Variants in PRR16 observed in about 807,000 individuals in gnomAD.
PRR16 encodes the protein proline rich 16.
Under a neutral mutation model 18.2 loss-of-function variants are expected in PRR16, and 6 were observed. That is an observed-to-expected ratio of 0.33 (90% CI 0.18 to 0.65). The LOEUF is 0.65. Ranked by LOEUF, PRR16 falls within the 30% of genes least tolerant of loss-of-function variation. The probability of loss-of-function intolerance (pLI) is 0.74; values close to 1 mark genes in which losing one functional copy is unlikely to be tolerated. For missense variants in PRR16, 412 were observed against 376.6 expected (o/e 1.09, Z -0.78); for synonymous variants, 151 against 147.8 (o/e 1.02, Z -0.16).
intron 1 of PRR16, among the ~76,000 whole-genome samples, chr5:120,529,748 G>C (rs919000739): frequency 4.6e-5 from 7 of 152,028 alleles, no homozygotes; most frequent in Non-Finnish European, 1.0e-4. Context: ...TGAGTCTAAG[G>C]ATTTAAGAAT....
chr5:120,555,733 A>G (rs995109203), intron 1 of PRR16, among the ~76,000 whole-genome samples: 4 of 151,414 alleles, frequency 2.6e-5, no homozygotes, highest in Admixed American at 2.0e-4. Flanking sequence ...AATAAGGCCT[A>G]TCTATAAAAT....
chr5:120,514,025 T>C (rs1313248792), intron 1 of PRR16, among the ~76,000 whole-genome samples: 1 of 152,176 alleles, frequency 6.6e-6, no homozygotes, highest in Non-Finnish European at 1.5e-5. Flanking sequence ...CCCAAAGTGC[T>C]GGGATTGCAG....
At chr5:120,783,466 TA>T in the PRR16 span, among the ~76,000 whole-genome samples, 1 of 152,146 alleles carries the variant, frequency 6.6e-6, no homozygotes, top group South Asian at 2.1e-4. Flanking sequence ...CATCATGTTT[TA>T]AAAACTGCAT....
the PRR16 span, among the ~76,000 whole-genome samples, chr5:120,749,359 G>C: frequency 2.6e-5 from 4 of 152,038 alleles, no homozygotes. Flanking sequence ...TTAGGAGTTT[G>C]AATAATTATG....
chr5:120,640,318 C>T lies in PRR16; in HGVS notation c.160-45636C>T, dbSNP rs1343354178. On this transcript the variant is annotated intron_variant, in intron 1 of 1. Coordinates refer to ENST00000407149, the MANE Select transcript of PRR16 (RefSeq NM_001300783.2). ...AAAATAAAAGTTGAAAAAAAATTCT[C>T]ATGGTCATTTTAAGTTATTGCCACT... Among the ~76,000 whole-genome samples, 4 of 151,898 alleles carry T rather than the reference C, an allele frequency of 2.6e-5. No individual in the cohort carries two copies. The South Asian group carries it at 6.2e-4, about 24-fold the overall frequency.
chr5:120,786,403 C>G, the PRR16 span, among the ~76,000 whole-genome samples: 4 of 151,666 alleles, frequency 2.6e-5, no homozygotes, highest in Non-Finnish European at 4.4e-5. Context: ...CTGCTTTTAA[C>G]AGTCAGGAGA....
chr5:120,661,349 G>C (rs1262363487), intron 1 of PRR16, among the ~76,000 whole-genome samples: 1 of 152,008 alleles, frequency 6.6e-6, no homozygotes, highest in Non-Finnish European at 1.5e-5. Context: ...TTTCTCCCTT[G>C]TGCTTGAATT....
intron 1 of PRR16, among the ~76,000 whole-genome samples, chr5:120,648,595 A>T (rs1284550588): frequency 1.3e-5 from 2 of 152,182 alleles, no homozygotes; most frequent in African/African-American, 4.8e-5. Flanking sequence ...TGACTATTAC[A>T]TACAGAGCTG....
chr5:120,622,301 C>G (rs1033236022), intron 1 of PRR16, among the ~76,000 whole-genome samples: 24 of 151,940 alleles, frequency 1.6e-4, no homozygotes, highest in African/African-American at 5.8e-4. Flanking sequence ...ACAGTTAGTT[C>G]TTGTTTTCTA....
intron 1 of PRR16, among the ~76,000 whole-genome samples, chr5:120,545,808 A>T (rs2112690603): frequency 6.6e-6 from 1 of 152,188 alleles, no homozygotes; most frequent in South Asian, 2.1e-4. Context: ...TTTAAAACAC[A>T]TTTGATTCCT....
At chr5:120,555,138 C>A (rs191800327) in intron 1 of PRR16, among the ~76,000 whole-genome samples, 2 of 152,032 alleles carry the variant, frequency 1.3e-5, no homozygotes, top group Admixed American at 1.3e-4. Context: ...GCAAATTCAG[C>A]ATTCACAAGG....
rs116284299 is a variant in PRR16 at position 120,674,322 on chromosome 5, C to T, written c.160-11632C>T. Among the ~76,000 whole-genome samples the T allele has an allele frequency of 4.2e-3, 644 of 152,210 alleles. 2 individuals are homozygous for T. The highest frequency in any genetic ancestry group is 7.3e-3 in the Non-Finnish European group (499 of 68,012). On this transcript the variant is annotated intron_variant, in intron 1 of 1. Coordinates refer to ENST00000407149, the MANE Select transcript of PRR16 (RefSeq NM_001300783.2). ...TGGATCCTATGCATCTCTTCTTTCT[C>T]GGATTCCATTTTTATTGTGCCAGAA...
At chr5:120,553,579 A>G (rs1752323096) in intron 1 of PRR16, among the ~76,000 whole-genome samples, 6 of 151,910 alleles carry the variant, frequency 3.9e-5, no homozygotes. Context: ...TCTTGCAGAG[A>G]GATTTTAAAG....
At chr5:120,790,512 G>A in the PRR16 span, 15 of 152,204 alleles carry the variant, frequency 9.9e-5, no homozygotes, top group Admixed American at 9.8e-4. Flanking sequence ...ACAGTCTTAG[G>A]ACGAATGTTG....
intron 1 of PRR16, among the ~76,000 whole-genome samples, chr5:120,666,589 G>A (rs1331582325): frequency 1.3e-5 from 2 of 152,114 alleles, no homozygotes; most frequent in African/African-American, 4.8e-5. Flanking sequence ...GATATTGGCT[G>A]TGGGTTTGTC....
intron 1 of PRR16, among the ~76,000 whole-genome samples, chr5:120,678,021 T>C (rs1756859387): frequency 6.8e-6 from 1 of 146,106 alleles, no homozygotes; most frequent in Admixed American, 7.1e-5. Context: ...GCCATTCTCC[T>C]GCCTCAGCCT....
chr5:120,726,566 A>G, the PRR16 span, among the ~76,000 whole-genome samples: 3 of 152,058 alleles, frequency 2.0e-5, no homozygotes, highest in South Asian at 2.1e-4. Context: ...ATAACTTACT[A>G]TTTTGATTCT....
intron 1 of PRR16, among the ~76,000 whole-genome samples, chr5:120,503,307 G>C (rs1750528675): frequency 6.6e-6 from 1 of 152,082 alleles, no homozygotes; most frequent in Non-Finnish European, 1.5e-5. Context: ...AAGATTTGAA[G>C]TTACTTTAAA....
intron 1 of PRR16, among the ~76,000 whole-genome samples, chr5:120,512,659 T>A (rs1424716784): frequency 6.6e-6 from 1 of 152,148 alleles, no homozygotes; most frequent in Non-Finnish European, 1.5e-5. Flanking sequence ...GTCTAGGATA[T>A]TCAGTTTATC....
Sources: gnomAD v4.1 joint callset for allele counts (sites outside exome capture counted in the v4.1 genomes callset) on GRCh38, gnomAD v4.1.1 for gene constraint, MANE v1.5 for transcripts, NCBI Gene and HGNC (gene_info 2026-07-23, HGNC 2026-07-21) for gene names.